Variants in CTNNA3 observed in about 807,000 individuals in gnomAD.
The protein encoded by CTNNA3 is catenin alpha 3.
Under a neutral mutation model 95.7 loss-of-function variants are expected in CTNNA3, and 76 were observed. That is an observed-to-expected ratio of 0.79 (90% confidence interval 0.66 to 0.96). CTNNA3 has a LOEUF of 0.96. Among genes scored for constraint, CTNNA3 ranks in the 40% least tolerant of loss-of-function variants. The pLI is 0.00. For synonymous variants in CTNNA3, 431 were observed against 374.4 expected, an observed-to-expected ratio of 1.15 and a Z score of -1.74; for missense variants, 1,191 against 1,089.8, an observed-to-expected ratio of 1.09 and a Z score of -1.31.
At chr10:66,022,630 CACAT>C (rs1331469491) in intron 15 of CTNNA3, among the ~76,000 whole-genome samples, 7 of 149,742 alleles carry the variant, frequency 4.7e-5, no homozygotes, top group African/African-American at 1.0e-4. Flanking sequence ...CACACACACA[CACAT>C]ACACACACAC....
At chr10:65,972,468 T>G (rs935491391) in intron 16 of CTNNA3, among the ~76,000 whole-genome samples, 3 of 152,212 alleles carry the variant, frequency 2.0e-5, no homozygotes, top group African/African-American at 7.2e-5. Flanking sequence ...CTCCTGGAAC[T>G]GAGACACGAC....
At chr10:67,188,727 G>C (rs1862981659) in intron 6 of CTNNA3, among the ~76,000 whole-genome samples, 1 of 152,100 alleles carries the variant, frequency 6.6e-6, no homozygotes, top group Non-Finnish European at 1.5e-5. Flanking sequence ...TAATAGCCAA[G>C]ATATGGAATC....
chr10:66,379,162 A>T lies in CTNNA3; in HGVS notation c.1722T>A (p.Leu574=). 1 of 1,613,700 alleles carries T rather than the reference A, an allele frequency of 6.2e-7. No homozygotes were observed. Among genetic ancestry groups the T allele is most frequent in the South Asian group, 1.1e-5 (1 of 91,074 alleles). Residue 574 remains leucine (L), a synonymous_variant, in exon 12 of 18, where the codon CTT becomes CTA. Transcript: ENST00000433211. ...TEGVMRNVNF[L]TSTVIPEFVT... ...TGGCAACTGACTTACCAGTACTTGTAAGGAAGTTAACATTTCTCATTACAC... is the reference window on the plus strand; with the variant it reads ...TGGCAACTGACTTACCAGTACTTGTTAGGAAGTTAACATTTCTCATTACAC...
intron 10 of CTNNA3, among the ~76,000 whole-genome samples, chr10:66,587,938 G>T (rs1843416457): frequency 6.6e-6 from 1 of 152,106 alleles, no homozygotes; most frequent in African/African-American, 2.4e-5. Context: ...CTCATTTCTG[G>T]CCAACAGGGT....
At chr10:67,415,617 G>A (rs902724939) in intron 5 of CTNNA3, among the ~76,000 whole-genome samples, 1 of 152,250 alleles carries the variant, frequency 6.6e-6, no homozygotes. Flanking sequence ...AACTACTAAT[G>A]TCACTGTTTA....
chr10:66,418,735 C>A (rs1315866050), intron 11 of CTNNA3, among the ~76,000 whole-genome samples: 1 of 151,942 alleles, frequency 6.6e-6, no homozygotes, highest in African/African-American at 2.4e-5. Context: ...ATATGCAAAT[C>A]AATAAACATG....
At chr10:66,686,790 G>A (rs1431368942) in intron 9 of CTNNA3, among the ~76,000 whole-genome samples, 1 of 152,010 alleles carries the variant, frequency 6.6e-6, no homozygotes, top group Non-Finnish European at 1.5e-5. Flanking sequence ...ACCAAATAAG[G>A]ACAATACCAT....
intron 1 of CTNNA3, among the ~76,000 whole-genome samples, chr10:67,675,053 T>C (rs775620265): frequency 6.6e-6 from 1 of 152,162 alleles, no homozygotes; most frequent in Non-Finnish European, 1.5e-5. Context: ...AATGTGTCTT[T>C]ACCCAGTAAC....
In CTNNA3 at chr10:67,719,853, CT is replaced by C. The variant is rs1841167507; in HGVS notation, c.-2+43580del. On this transcript the variant is annotated intron_variant, in intron 1 of 17. Transcript: ENST00000684154. ...GAGCTGAGTTCAAGTCCTGAATATC[CT>C]TGTTAATTTTCTGTCTCGTTGATCT... Among the ~76,000 whole-genome samples the C allele has an allele frequency of 2.0e-5, 3 of 151,962 alleles. No homozygotes were observed. In the South Asian group the frequency reaches 6.2e-4, roughly 31 times the overall value.
chr10:67,726,460 TATATG>T (rs370176602), intron 1 of CTNNA3, among the ~76,000 whole-genome samples: 5 of 38,366 alleles, frequency 1.3e-4, no homozygotes, highest in South Asian at 9.9e-4. Flanking sequence ...TTATATATGA[TATATG>T]ATATAATATT....
chr10:65,994,659 G>A (rs1433441546), intron 15 of CTNNA3, among the ~76,000 whole-genome samples: 1 of 151,744 alleles, frequency 6.6e-6, no homozygotes, highest in Non-Finnish European at 1.5e-5. Context: ...AATCTATTTG[G>A]GGCTCTTTAA....
chr10:66,626,376 G>A (rs1181147579), intron 9 of CTNNA3, among the ~76,000 whole-genome samples: 1 of 131,228 alleles, frequency 7.6e-6, no homozygotes, highest in Non-Finnish European at 1.7e-5. Context: ...TGTTCATATA[G>A]TTAATTGTAA....
At chr10:66,317,022 C>CA (rs1451550286) in intron 12 of CTNNA3, among the ~76,000 whole-genome samples, 1 of 151,996 alleles carries the variant, frequency 6.6e-6, no homozygotes, top group East Asian at 1.9e-4. Flanking sequence ...CACACATATT[C>CA]AAAAACAAAT....
At chr10:66,749,202 C>CAAAAAAAAAAAAAAAAAAAAAAAA (rs35568730) in intron 9 of CTNNA3, among the ~76,000 whole-genome samples, 1 of 50,858 alleles carries the variant, frequency 2.0e-5, no homozygotes, top group Non-Finnish European at 3.3e-5. Context: ...AACTCCAACT[C>CAAAAAAAAAAAAAAAAAAAAAAAA]AAAAAAAAAA....
intron 5 of CTNNA3, among the ~76,000 whole-genome samples, chr10:67,502,440 A>G (rs559055398): frequency 6.6e-6 from 1 of 152,296 alleles, no homozygotes; most frequent in African/African-American, 2.4e-5. Context: ...GTCAGGAGGC[A>G]TGGGGGTCAG....
intron 7 of CTNNA3, among the ~76,000 whole-genome samples, chr10:67,113,853 T>C (rs114299295): frequency 0.015 from 2,349 of 152,264 alleles, 64 homozygotes; most frequent in African/African-American, 0.054. Context: ...TTAGCTTACA[T>C]TTAGAAAATA....
chr10:67,230,740 T>C (rs1466166315), intron 5 of CTNNA3, among the ~76,000 whole-genome samples: 1 of 152,220 alleles, frequency 6.6e-6, no homozygotes, highest in Non-Finnish European at 1.5e-5. Context: ...GACAGGTGAT[T>C]TCTGCATTTC....
At chr10:67,145,050 C>G (rs2394330) in intron 7 of CTNNA3, among the ~76,000 whole-genome samples, 82,420 of 151,762 alleles carry the variant, frequency 0.54, 22,579 homozygotes, top group Middle Eastern at 0.66. Context: ...AGGGAATAAG[C>G]AGGCCCAAGG....
At chr10:66,627,593 T>C (rs1364434863) in intron 9 of CTNNA3, among the ~76,000 whole-genome samples, 1 of 152,148 alleles carries the variant, frequency 6.6e-6, no homozygotes, top group Non-Finnish European at 1.5e-5. Context: ...CTCAGATGGA[T>C]ACTTTCAACA....
Sources: gnomAD v4.1 joint callset for allele counts (sites outside exome capture counted in the v4.1 genomes callset) on GRCh38, gnomAD v4.1.1 for gene constraint, MANE v1.5 for transcripts, NCBI Gene and HGNC (gene_info 2026-07-23, HGNC 2026-07-21) for gene names.